Variants in FRYL observed in about 807,000 individuals in gnomAD.
The protein encoded by FRYL is FRY like transcription coactivator, also known as protein furry homolog-like.
FRYL carries 150 observed loss-of-function variants against 351.2 expected under a neutral mutation model. The observed-to-expected ratio is 0.43, with a 90% confidence interval of 0.37 to 0.49. FRYL has a LOEUF of 0.49. Ranked by LOEUF, FRYL falls within the 20% of genes least tolerant of loss-of-function variation. The pLI is 0.00. For synonymous variants in FRYL, 1,153 were observed against 1,257.1 expected (o/e 0.92, Z 1.75); for missense variants, 3,036 against 3,619.3 (o/e 0.84, Z 4.13).
At chr4:48,592,113 TA>T (rs1743510142) in intron 16 of FRYL, among the ~76,000 whole-genome samples, 2 of 124,422 alleles carry the variant, frequency 1.6e-5, no homozygotes, top group African/African-American at 5.9e-5. Context: ...TATATATATA[TA>T]TTTTATCTAA....
chr4:48,725,395 C>T (rs1407905079), intron 1 of FRYL, among the ~76,000 whole-genome samples: 1 of 152,238 alleles, frequency 6.6e-6, no homozygotes, highest in African/African-American at 2.4e-5. Flanking sequence ...AGCTCTGATA[C>T]AGCCTGTGCT....
chr4:48,707,826 C>CTT (rs879274504), intron 2 of FRYL, among the ~76,000 whole-genome samples: 73 of 143,786 alleles, frequency 5.1e-4, no homozygotes, highest in African/African-American at 1.6e-3. Context: ...ATTTCTTTTT[C>CTT]TTTTTTTTTT....
chr4:48,670,629 A>G (rs1403385357), intron 3 of FRYL, among the ~76,000 whole-genome samples: 4 of 151,872 alleles, frequency 2.6e-5, no homozygotes, highest in Non-Finnish European at 5.9e-5. Context: ...TCTGGTAACC[A>G]TCCTTCTACT....
intron 7 of FRYL, among the ~76,000 whole-genome samples, chr4:48,613,126 GTTGT>G (rs1050421993): frequency 6.6e-5 from 10 of 152,094 alleles, no homozygotes; most frequent in South Asian, 2.1e-4. Context: ...ATCACAAAAT[GTTGT>G]TTGTTTCATA....
At chr4:48,727,657 AAG>A (rs1241845149) in intron 1 of FRYL, among the ~76,000 whole-genome samples, 3 of 152,132 alleles carry the variant, frequency 2.0e-5, no homozygotes, top group African/African-American at 7.2e-5. Context: ...CTACTTCCAA[AAG>A]AGAGGAAAAA....
intron 9 of FRYL, among the ~76,000 whole-genome samples, chr4:48,607,737 C>A (rs1422646129): frequency 1.3e-5 from 2 of 152,120 alleles, no homozygotes; most frequent in Admixed American, 1.3e-4. Context: ...CAGAAAACAT[C>A]TTAGTATTGC....
At chr4:48,573,684 G>C (rs1201312412) in intron 25 of FRYL, among the ~76,000 whole-genome samples, 1 of 151,984 alleles carries the variant, frequency 6.6e-6, no homozygotes, top group African/African-American at 2.4e-5. Context: ...TGAGTAGCTG[G>C]GATTACAGGC....
intron 21 of FRYL, among the ~76,000 whole-genome samples, chr4:48,581,201 C>T (rs1056657284): frequency 8.6e-5 from 13 of 151,926 alleles, no homozygotes; most frequent in African/African-American, 2.9e-4. Context: ...CCACCACGCC[C>T]GGCTAATTTT....
intron 40 of FRYL, 151 bp from the exon 41 acceptor site, chr4:48,547,920 A>C: frequency 2.0e-6 from 1 of 489,044 alleles, no homozygotes; most frequent in Non-Finnish European, 3.4e-6. Flanking sequence ...TAGAGTTCTT[A>C]TATACTTTTA....
intron 3 of FRYL, among the ~76,000 whole-genome samples, chr4:48,665,926 C>T (rs1305013141): frequency 6.6e-6 from 1 of 152,144 alleles, no homozygotes; most frequent in African/African-American, 2.4e-5. Flanking sequence ...AGGTTCTTTA[C>T]CATTAAAGCC....
Position 48,603,839 on chromosome 4 carries a change from G to A in FRYL, c.835-451C>T, listed in dbSNP as rs541091461. Among the ~76,000 whole-genome samples, 14 of 152,274 alleles carry A rather than the reference G, an allele frequency of 9.2e-5. No individual in the cohort carries two copies. In the South Asian group the frequency reaches 2.5e-3, roughly 27 times the overall value. On this transcript the variant is annotated intron_variant, in intron 11 of 63. Transcript: ENST00000358350. Reference sequence around the variant, plus strand: ...CTTGCTGTTCCTAGAACGCATCAAAGAATTTCTTGCCTTAGGATGTCTACG... The same window carrying A: ...CTTGCTGTTCCTAGAACGCATCAAAAAATTTCTTGCCTTAGGATGTCTACG...
intron 47 of FRYL, among the ~76,000 whole-genome samples, chr4:48,539,411 CCTTA>C (rs1729621068): frequency 6.6e-6 from 1 of 152,136 alleles, no homozygotes; most frequent in Admixed American, 6.6e-5. Flanking sequence ...CATCCAGGGA[CCTTA>C]CTTTGGTTTA....
intron 3 of FRYL, among the ~76,000 whole-genome samples, chr4:48,640,829 G>T (rs1469124439): frequency 6.6e-6 from 1 of 152,074 alleles, no homozygotes; most frequent in Non-Finnish European, 1.5e-5. Flanking sequence ...CCAAAGAAAA[G>T]AATAACAAGC....
Position 48,702,632 on chromosome 4 carries a change from G to A in FRYL, c.-204+7887C>T, listed in dbSNP as rs1312270654. ...CAAAAAATTAGCCGGGCATGGTGGT[G>A]GGCTCCTGCAGTCCCAGCTACTCGT... On this transcript the variant is annotated intron_variant, in intron 2 of 63. Transcript: ENST00000358350. Among the ~76,000 whole-genome samples the A allele has an allele frequency of 3.3e-5, 5 of 151,196 alleles. No homozygotes were observed. In the East Asian group the frequency reaches 9.7e-4, roughly 29 times the overall value.
intron 1 of FRYL, among the ~76,000 whole-genome samples, chr4:48,772,241 T>C (rs769460214): frequency 7.9e-5 from 12 of 152,184 alleles, no homozygotes; most frequent in Non-Finnish European, 4.4e-5. Context: ...GGCTAGCAAG[T>C]CTTTGTCTTT....
At chr4:48,578,368 G>A (rs1288949099) in intron 23 of FRYL, among the ~76,000 whole-genome samples, 2 of 152,096 alleles carry the variant, frequency 1.3e-5, no homozygotes, top group African/African-American at 4.8e-5. Context: ...TACTCTGTAA[G>A]GAGAAATCAG....
chr4:48,628,508 C>T (rs1752322738), intron 4 of FRYL, among the ~76,000 whole-genome samples: 1 of 146,710 alleles, frequency 6.8e-6, no homozygotes, highest in African/African-American at 2.5e-5. Context: ...ACAAAGAATA[C>T]GAGAGGCTGG....
intron 47 of FRYL, 85 bp from the exon 48 acceptor site, chr4:48,535,912 G>T: frequency 9.3e-7 from 1 of 1,076,296 alleles, no homozygotes; most frequent in Non-Finnish European, 1.3e-6. Flanking sequence ...TTCGCTTAAT[G>T]AAATAATTTA....
intron 1 of FRYL, among the ~76,000 whole-genome samples, chr4:48,771,770 A>T (rs1390695326): frequency 9.0e-6 from 1 of 110,900 alleles, no homozygotes; most frequent in Non-Finnish European, 1.9e-5. Context: ...TTCCTCACCC[A>T]GAAGAACATG....
Sources: allele counts gnomAD v4.1 joint callset (sites outside exome capture counted in the v4.1 genomes callset), GRCh38; gene constraint gnomAD v4.1.1; transcripts MANE v1.5; gene names NCBI Gene and HGNC (gene_info 2026-07-23, HGNC 2026-07-21).